The following HMGB1 variants were observed in gnomAD, a reference collection of about 807,000 sequenced individuals.
The protein encoded by HMGB1 is high mobility group box 1.
For missense variants in HMGB1, 79 were observed against 253.5 expected, an observed-to-expected ratio of 0.31 and a Z score of 4.67; for synonymous variants, 81 against 84.0, an observed-to-expected ratio of 0.96 and a Z score of 0.19.
intron 1 of HMGB1, among the ~76,000 whole-genome samples, chr13:30,531,100 G>A (rs1023011540): frequency 3.9e-5 from 6 of 152,176 alleles, no homozygotes; most frequent in African/African-American, 9.7e-5. Context: ...CAGAAGCTGT[G>A]AAGACCATAC....
At position 30,494,447 on chromosome 13, in the gene HMGB1, C is replaced by T. The variant is rs139989707; in HGVS notation, c.-14-30753G>A. 3.1e-3 allele frequency among the ~76,000 whole-genome samples: 473 copies of T among 151,194 alleles called. 3 individuals carry two copies. The highest frequency in any genetic ancestry group is 0.01 in the African/African-American group (429 of 41,132). ...TGTGATCTCGGCTCACTGCAACCTC[C>T]GCCTCCTAGGTTCAAGCGATTCTCC... On this transcript the variant is annotated intron_variant, in intron 1 of 4. Transcript: ENST00000405805.
chr13:30,466,875 T>C (rs890433834), upstream of HMGB1, among the ~76,000 whole-genome samples: 1 of 152,224 alleles, frequency 6.6e-6, no homozygotes, highest in Non-Finnish European at 1.5e-5. Flanking sequence ...TGGTGTGGAT[T>C]ACTGTTACAA....
chr13:30,480,242 A>G (rs1315152427), intron 1 of HMGB1, among the ~76,000 whole-genome samples: 1 of 152,242 alleles, frequency 6.6e-6, no homozygotes, highest in Non-Finnish European at 1.5e-5. Flanking sequence ...CTTTGACACC[A>G]AAATATGTAT....
chr13:30,577,466 G>A (rs1024873205), intron 1 of HMGB1, among the ~76,000 whole-genome samples: 2 of 151,970 alleles, frequency 1.3e-5, no homozygotes, highest in South Asian at 2.1e-4. Context: ...TGCTTGCACC[G>A]CCCAGTCTGT....
In HMGB1 at chr13:30,606,981, TAA is replaced by T. The variant is rs1489475102; in HGVS notation, c.-15+9688_-15+9689del. Among the ~76,000 whole-genome samples, 22 of 152,306 alleles carry T rather than the reference TAA, an allele frequency of 1.4e-4. 1 individual carries two copies. Among genetic ancestry groups the T allele is most frequent in the African/African-American group, 5.3e-4 (22 of 41,520 alleles). On this transcript the variant is annotated intron_variant, in intron 1 of 4. Transcript: ENST00000405805. ...AGATTACGTAGCATATTTTAAGAAA[TAA>T]ATTATAATCATTTTATTTCACTTAT...
chr13:30,458,815 T>C lies in HMGB1; in HGVS notation c.*2542A>G, dbSNP rs1886121093. The C allele has an allele frequency of 6.6e-6, 1 of 152,186 alleles. No individual in the cohort carries two copies. Among genetic ancestry groups the C allele is most frequent in the Non-Finnish European group, 1.5e-5 (1 of 68,040 alleles). The allele number at this position is 152,186 out of a possible 1,614,324, so 9.4% of individuals were successfully genotyped here. A position where few individuals can be genotyped will look rare whatever the true frequency, so the allele number is the denominator to read the frequency against. On this transcript the variant is annotated 3_prime_UTR_variant, in exon 5 of 5. Transcript: ENST00000341423. ...CAAATTTCATTTTTCAGATTTCACT[T>C]TAAGAAAATTAATAAATACAGCAAA...
intron 1 of HMGB1, chr13:30,540,418 T>A (rs1420339478): frequency 6.4e-6 from 1 of 155,964 alleles, no homozygotes; most frequent in Non-Finnish European, 1.5e-5. Flanking sequence ...GTTACAGATC[T>A]CTCTCCATAT....
intron 1 of HMGB1, among the ~76,000 whole-genome samples, chr13:30,588,415 G>A (rs1220169719): frequency 6.6e-6 from 1 of 152,002 alleles, no homozygotes; most frequent in Admixed American, 6.6e-5. Flanking sequence ...GTTCCTGATC[G>A]GGGATACAAT....
intron 1 of HMGB1, among the ~76,000 whole-genome samples, chr13:30,519,165 G>C (rs1888168255): frequency 6.6e-6 from 1 of 151,942 alleles, no homozygotes; most frequent in African/African-American, 2.4e-5. Context: ...GGCCGAGGCG[G>C]GTGGATCATT....
At chr13:30,587,885 A>G (rs1295261491) in intron 1 of HMGB1, among the ~76,000 whole-genome samples, 3 of 152,224 alleles carry the variant, frequency 2.0e-5, no homozygotes, top group African/African-American at 7.2e-5. Context: ...TGTCCATTAC[A>G]ATACTCCTTC....
chr13:30,504,425 T>A (rs1401617797), intron 1 of HMGB1, among the ~76,000 whole-genome samples: 2 of 152,226 alleles, frequency 1.3e-5, no homozygotes, highest in Non-Finnish European at 2.9e-5. Flanking sequence ...CTGATACTTC[T>A]TTTGGTTTTG....
chr13:30,610,831 CA>C (rs1950506634), intron 1 of HMGB1, among the ~76,000 whole-genome samples: 1 of 151,778 alleles, frequency 6.6e-6, no homozygotes, highest in Non-Finnish European at 1.5e-5. Context: ...ATTAGACCAC[CA>C]AAAAACAGTC....
chr13:30,611,399 T>C (rs951026361), intron 1 of HMGB1, among the ~76,000 whole-genome samples: 1 of 152,296 alleles, frequency 6.6e-6, no homozygotes, highest in Non-Finnish European at 1.5e-5. Flanking sequence ...CCTGACCTCG[T>C]GATCTGCCCA....
chr13:30,554,672 A>G, intron 1 of HMGB1: 1 of 771,724 alleles, frequency 1.3e-6, no homozygotes, highest in East Asian at 2.4e-5. Context: ...AGTAAATGCA[A>G]GATACAATGG....
chr13:30,463,380 G>C, intron 2 of HMGB1, 28 bp from the exon 3 acceptor site: 1 of 1,576,248 alleles, frequency 6.3e-7, no homozygotes. Context: ...GTAAGTTTAA[G>C]TTGTAACATT....
chr13:30,530,330 T>C (rs9579595), intron 1 of HMGB1, among the ~76,000 whole-genome samples: 45,588 of 152,118 alleles, frequency 0.3, 7,158 homozygotes, highest in Non-Finnish European at 0.35. Context: ...TATGCAAATA[T>C]TCCAAAATCC....
intron 1 of HMGB1, among the ~76,000 whole-genome samples, chr13:30,500,953 G>A (rs910935566): frequency 2.7e-5 from 4 of 150,922 alleles, no homozygotes; most frequent in African/African-American, 9.7e-5. Flanking sequence ...GATTACAGGT[G>A]TGAGCCACTG....
rs1886431644 is a variant in HMGB1 at position 30,462,706 on chromosome 13, G to A, written c.303C>T (p.Ala101=). 3.1e-6 allele frequency: 5 copies of A among 1,607,750 alleles called. No individual in the cohort carries two copies. The highest frequency in any genetic ancestry group is 3.4e-5 in the Admixed American group (2 of 58,520). Residue 101 remains alanine (A), a synonymous_variant, in exon 4 of 5, where the codon GCC becomes GCT. Coordinates refer to ENST00000341423, the MANE Select transcript of HMGB1 (RefSeq NM_002128.7). ...DPNAPKRPPS[A]FFLFCSEYRP... is the part of the protein sequence containing the mutation. Reference sequence around the variant, plus strand: ...GATACTCAGAGCAGAAGAGGAAGAAGGCCGAACTAAAAAAAAAATTAATTT... The same window carrying A: ...GATACTCAGAGCAGAAGAGGAAGAAAGCCGAACTAAAAAAAAAATTAATTT...
At chr13:30,493,990 T>A (rs1386675565) in intron 1 of HMGB1, among the ~76,000 whole-genome samples, 1 of 151,710 alleles carries the variant, frequency 6.6e-6, no homozygotes, top group East Asian at 1.9e-4. Flanking sequence ...ATCTAATAAA[T>A]GCTAGCCTTT....
Sources: gnomAD v4.1 joint callset for allele counts (sites outside exome capture counted in the v4.1 genomes callset) on GRCh38, gnomAD v4.1.1 for gene constraint, MANE v1.5 for transcripts, NCBI Gene and HGNC (gene_info 2026-07-23, HGNC 2026-07-21) for gene names.